The following DMD variants were observed in gnomAD, a reference collection of about 807,000 sequenced individuals.
DMD encodes the protein mutant dystrophin.
DMD carries 63 observed loss-of-function variants against 330.1 expected under a neutral mutation model. The observed-to-expected ratio is 0.19, with a 90% CI of 0.16 to 0.24. The LOEUF (loss-of-function observed/expected upper bound fraction) is 0.24, where lower values mean the gene tolerates loss of function less well. DMD is among the 10% of genes least tolerant of loss of function. The pLI, the probability that DMD is intolerant of heterozygous loss-of-function variation, is 1.00. For missense variants in DMD, 3,344 were observed against 2,684.1 expected (o/e 1.25, Z -5.43); for synonymous variants, 1,223 against 959.8 (o/e 1.27, Z -5.07).
intron 41 of DMD, among the ~76,000 whole-genome samples, chrX:32,335,454 T>C (rs1398631875): frequency 9.5e-6 from 1 of 104,897 alleles, no homozygotes; most frequent in Non-Finnish European, 1.9e-5. Flanking sequence ...TATATATGTA[T>C]ATACATGTAT....
intron 74 of DMD, among the ~76,000 whole-genome samples, chrX:31,155,430 A>T (rs966662280): frequency 2.7e-5 from 3 of 112,472 alleles, no homozygotes; most frequent in African/African-American, 9.7e-5. Flanking sequence ...ACACACAGGG[A>T]TTATTTTGTA....
chrX:31,719,544 G>A (rs1188068694), intron 52 of DMD, among the ~76,000 whole-genome samples: 1 of 111,416 alleles, frequency 9.0e-6, no homozygotes, highest in Non-Finnish European at 1.9e-5. Flanking sequence ...TAAAGTTTTG[G>A]TGGGTTCTTG....
intron 17 of DMD, among the ~76,000 whole-genome samples, chrX:32,538,530 T>C (rs1317495026): frequency 1.8e-5 from 2 of 111,060 alleles, no homozygotes; most frequent in Non-Finnish European, 3.8e-5. Flanking sequence ...CCAGGTGAAA[T>C]AGACAGCCTT....
At chrX:32,651,015 G>A (rs1262754374) in intron 9 of DMD, among the ~76,000 whole-genome samples, 1 of 111,536 alleles carries the variant, frequency 9.0e-6, no homozygotes, top group Non-Finnish European at 1.9e-5. Context: ...GGTGGTTCTG[G>A]GACTTAAAAC....
intron 2 of DMD, among the ~76,000 whole-genome samples, chrX:32,933,901 T>C (rs936411802): frequency 2.7e-5 from 3 of 111,708 alleles, no homozygotes; most frequent in African/African-American, 9.8e-5. Context: ...GTAGGGTCTT[T>C]ATCTCAATGC....
chrX:32,520,844 C>CT (rs746203243), intron 17 of DMD, among the ~76,000 whole-genome samples: 970 of 87,890 alleles, frequency 0.011, 5 homozygotes, highest in Non-Finnish European at 0.013. Context: ...TCCTGCCATA[C>CT]TTTTTTTTTT....
intron 1 of DMD, among the ~76,000 whole-genome samples, chrX:33,270,933 A>G (rs772594420): frequency 1.8e-5 from 2 of 111,528 alleles, no homozygotes; most frequent in East Asian, 5.6e-4. Flanking sequence ...AATTATTTAT[A>G]TTATCAACAG....
chrX:32,984,204 A>G (rs1449814407), intron 2 of DMD, among the ~76,000 whole-genome samples: 1 of 112,261 alleles, frequency 8.9e-6, no homozygotes, highest in East Asian at 2.8e-4. Flanking sequence ...TGATCACCAG[A>G]GACACATGGA....
chrX:32,529,047 G>A lies in DMD; in HGVS notation c.2169-10916C>T, dbSNP rs952342161. On this transcript the variant is annotated intron_variant, in intron 17 of 78. Transcript: ENST00000357033. ...CACCATTCTCCTGCCTCAGCCTCCC[G>A]AGTAGCTGGGACTACAGGCGCCTGC... Among the ~76,000 whole-genome samples the A allele has an allele frequency of 2.8e-5, 3 of 105,819 alleles. No individual in the cohort carries two copies. In the South Asian group the frequency reaches 1.3e-3, roughly 46 times the overall value. 91.9% of individuals were successfully genotyped at this position (105,819 alleles called of 115,157 possible).
Position 32,205,005 on chromosome X carries a change from T to TACACACA in DMD, c.6438+11910_6438+11911insTGTGTGT, listed in dbSNP as rs2097058779. Among the ~76,000 whole-genome samples the TACACACA allele has an allele frequency of 1.4e-4, 4 of 29,230 alleles. No homozygotes were observed. In the Admixed American group the frequency reaches 1.8e-3, roughly 13 times the overall value. The allele number at this position is 29,230 out of a possible 115,157, so 25.4% of individuals were successfully genotyped here. ...CTCTCTCTCTCTCTCTCTCTCTCTC[T>TACACACA]CACATACACACACACACACACACAC... On this transcript the variant is annotated intron_variant, in intron 44 of 78. Transcript: ENST00000357033.
At chrX:31,743,616 G>A (rs1467690532) in intron 51 of DMD, among the ~76,000 whole-genome samples, 4 of 111,735 alleles carry the variant, frequency 3.6e-5, no homozygotes, top group Admixed American at 1.9e-4. Flanking sequence ...AATACCACGT[G>A]TTCTCATGTG....
rs551199724 is a variant in DMD at position 33,165,161 on chromosome X, C to T, written c.31+46121G>A. 8.1e-5 allele frequency among the ~76,000 whole-genome samples: 9 copies of T among 111,079 alleles called. No individual in the cohort carries two copies. In the South Asian group the frequency reaches 3.4e-3, roughly 41 times the overall value. Reference sequence around the variant, plus strand: ...ATAACGAATTTGAAAAACAACATGTCCTTAGCATCCTGACAAACCCACAGA... The same window carrying T: ...ATAACGAATTTGAAAAACAACATGTTCTTAGCATCCTGACAAACCCACAGA... On this transcript the variant is annotated intron_variant, in intron 1 of 78. Transcript: ENST00000357033.
chrX:32,844,841 G>C lies in DMD; in HGVS notation c.206C>G (p.Thr69Arg). 8.3e-7 allele frequency: 1 copy of C among 1,211,070 alleles called. No individual in the cohort carries two copies. Among genetic ancestry groups the C allele is most frequent in the Non-Finnish European group, 1.1e-6 (1 of 894,896 alleles). The stretch of plus-strand genomic sequence containing the variant: ...GACATTGTTCAGGGCATGAACTCTT[G>C]TGGATCCTTTTTCTTTTGGCTGAGA... ...GQKLPKEKGS[T>R]RVHALNNVNK... The change falls in exon 4 of 79, where the codon ACA becomes AGA. Residue 69 changes from threonine (T) to arginine (R), a missense_variant. By Grantham distance (71) the Thr-to-Arg change is moderately conservative. Transcript: ENST00000357033.
intron 7 of DMD, among the ~76,000 whole-genome samples, chrX:32,807,188 T>G (rs757311781): frequency 1.2e-5 from 1 of 84,945 alleles, no homozygotes; most frequent in African/African-American, 4.6e-5. Flanking sequence ...TTGAAGAGAT[T>G]AACAAAATAG....
rs1174628155 is a variant in DMD at position 31,119,837 on chromosome X, C to T, written c.*2082G>A. On this transcript the variant is annotated 3_prime_UTR_variant, in exon 79 of 79. Coordinates refer to ENST00000357033, the MANE Select transcript of DMD (RefSeq NM_004006.3). ...CTTCATGTAATTTGGTAATTTGTTACCTTAGAGCTTTGGGTTTTCTTTTGA... is the reference window on the plus strand; with the variant it reads ...CTTCATGTAATTTGGTAATTTGTTATCTTAGAGCTTTGGGTTTTCTTTTGA... 1 of 110,760 alleles carries T rather than the reference C, an allele frequency of 9.0e-6. No homozygotes were observed. Among genetic ancestry groups the T allele is most frequent in the Non-Finnish European group, 1.9e-5 (1 of 52,800 alleles). 9.1% of individuals were successfully genotyped at this position (110,760 alleles called of 1,213,427 possible). A position where few individuals can be genotyped will look rare whatever the true frequency, so the allele number is the denominator to read the frequency against.
At chrX:31,389,255 C>A (rs2060592173) in intron 60 of DMD, among the ~76,000 whole-genome samples, 1 of 112,245 alleles carries the variant, frequency 8.9e-6, no homozygotes, top group Admixed American at 9.5e-5. Context: ...TAACAAGAGA[C>A]TTTTAAACTT....
intron 64 of DMD, among the ~76,000 whole-genome samples, chrX:31,212,474 G>T (rs997708881): frequency 2.7e-5 from 3 of 110,050 alleles, no homozygotes; most frequent in Non-Finnish European, 5.7e-5. Context: ...CGAGCAGGCA[G>T]GACTTCAACA....
intron 57 of DMD, among the ~76,000 whole-genome samples, chrX:31,483,230 T>C (rs747649731): frequency 1.3e-4 from 14 of 108,124 alleles, no homozygotes; most frequent in African/African-American, 4.8e-4. Context: ...GTATTTTTAG[T>C]AGAGACGGGG....
intron 44 of DMD, among the ~76,000 whole-genome samples, chrX:32,097,892 T>C (rs2096519091): frequency 8.9e-6 from 1 of 111,917 alleles, no homozygotes; most frequent in Non-Finnish European, 1.9e-5. Flanking sequence ...TGTTACATTT[T>C]CATCTACTTT....
Sources: gnomAD v4.1 joint callset for allele counts (sites outside exome capture counted in the v4.1 genomes callset) on GRCh38, gnomAD v4.1.1 for gene constraint, MANE v1.5 for transcripts, NCBI Gene and HGNC (gene_info 2026-07-23, HGNC 2026-07-21) for gene names.